ZMYND10: variants seen among roughly 807,000 people sequenced by gnomAD.
ZMYND10 encodes zinc finger MYND domain-containing protein 10.
Under a neutral mutation model 62.6 loss-of-function variants are expected in ZMYND10, and 52 were observed. The observed-to-expected ratio is 0.83, with a 90% CI of 0.67 to 1.05. The LOEUF (loss-of-function observed/expected upper bound fraction) is 1.05. Ranked by LOEUF, ZMYND10 falls within the 50% of genes least tolerant of loss-of-function variation. ZMYND10 has a pLI of 0.00. For missense variants in ZMYND10, 438 were observed against 543.3 expected (o/e 0.81, Z 1.93); for synonymous variants, 197 against 218.5 (o/e 0.90, Z 0.87).
chr3:50,342,849 G>A (rs1559850713), intron 7 of ZMYND10, 69 bp downstream of exon 7: 3 of 1,559,204 alleles, frequency 1.9e-6, no homozygotes, highest in Non-Finnish European at 2.6e-6. Context: ...TGTGCAAGCT[G>A]CCCCCCTCTA....
At chr3:50,341,991 A>G in intron 9 of ZMYND10, 24 bp downstream of exon 9, 2 of 1,614,218 alleles carry the variant, frequency 1.2e-6, no homozygotes, top group Non-Finnish European at 1.7e-6. Context: ...AGTGGTCCTG[A>G]GCAGCTAACT....
rs746014252 is a variant in ZMYND10 at position 50,342,437 on chromosome 3, C to G, written c.833G>C (p.Arg278Pro). ...CTTGGCAAAACTTGTGAGGCAGTAG[C>G]GCGCCTGAGCCTCAGGGCTTAGCAG... ...NLLLSPEAQA[R>P]YCLTSFAKGR... Residue 278 changes from arginine (R) to proline (P), a missense_variant, in exon 8 of 12, where the codon CGC becomes CCC. Transcript: ENST00000231749. 21 of 1,605,310 alleles carry G rather than the reference C, an allele frequency of 1.3e-5. No homozygotes were observed. In the East Asian group the frequency reaches 4.3e-4, roughly 33 times the overall value.
At chr3:50,342,732 G>A in intron 7 of ZMYND10, 163 bp from the exon 8 acceptor site, 13 of 1,468,598 alleles carry the variant, frequency 8.9e-6, no homozygotes, top group Non-Finnish European at 1.2e-5. Flanking sequence ...GTGAGCCTCA[G>A]TAGTGGACAC....
chr3:50,342,332 G>A (rs922773961), intron 8 of ZMYND10, 65 bp downstream of exon 8: 45 of 1,553,968 alleles, frequency 2.9e-5, no homozygotes, highest in Non-Finnish European at 3.6e-5. Flanking sequence ...CAGCAGGGAC[G>A]CAGTCGGGGT....
At chr3:50,344,044 T>C (rs1575555848) in intron 2 of ZMYND10, 194 bp from the exon 3 acceptor site, 1 of 591,956 alleles carries the variant, frequency 1.7e-6, no homozygotes, top group East Asian at 2.8e-5. Flanking sequence ...CCAACACCTC[T>C]GTGGATGTCC....
At position 50,341,686 on chromosome 3, in the gene ZMYND10, A is replaced by G; in HGVS notation, c.1135T>C (p.Tyr379His). Residue 379 changes from tyrosine (Y) to histidine (H), a missense_variant, in exon 11 of 12, where the codon TAC becomes CAC. Coordinates refer to ENST00000231749, the MANE Select transcript of ZMYND10 (RefSeq NM_015896.4). ...ACTGCCTCTAGCACATCCAGCCTGT[A>G]GGTCTCAGCCCACCTGGGGGAAAGT... ...RLQARRWAET[Y>H]RLDVLEAVAP... is the part of the protein sequence containing the mutation. 1 of 1,614,196 alleles carries G rather than the reference A, an allele frequency of 6.2e-7. No individual in the cohort carries two copies. The highest frequency in any genetic ancestry group is 8.5e-7 in the Non-Finnish European group (1 of 1,180,016).
Position 50,342,978 on chromosome 3 carries a change from T to G in ZMYND10, c.640A>C (p.Asn214His). The G allele has an allele frequency of 6.2e-7, 1 of 1,614,022 alleles. No individual in the cohort carries two copies. Among genetic ancestry groups the G allele is most frequent in the Non-Finnish European group, 8.5e-7 (1 of 1,179,970 alleles). The change falls in exon 7 of 12, where the codon AAC becomes CAC. Residue 214 changes from asparagine to histidine, a missense_variant. Physicochemically the swap from Asn to His is moderately conservative, Grantham distance 68. Coordinates refer to ENST00000231749, the MANE Select transcript of ZMYND10 (RefSeq NM_015896.4). ...STLSRMLSTH[N>H]LPCLLVELLE... ...AGTTCCACCAGGAGGCAGGGCAGGT[T>G]GTGTGTGCTAAGCATACGGCTCAAG...
chr3:50,344,961 G>T, intron 2 of ZMYND10, 163 bp downstream of exon 2: 1 of 639,288 alleles, frequency 1.6e-6, no homozygotes, highest in Non-Finnish European at 2.7e-6. Context: ...CCAGAGTCCT[G>T]TCCAATAGGG....
chr3:50,341,722 T>C (rs777896211), intron 10 of ZMYND10, 23 bp from the exon 11 acceptor site: 16 of 1,613,496 alleles, frequency 9.9e-6, no homozygotes, highest in Middle Eastern at 3.3e-4. Flanking sequence ...CAGGAAGGTC[T>C]GACTGGCCCT....
Position 50,343,353 on chromosome 3 carries a change from C to A in ZMYND10, c.464G>T (p.Gly155Val). The change falls in exon 5 of 12, where the codon GGT becomes GTT. Residue 155 changes from glycine (G) to valine (V), a missense_variant. Coordinates refer to ENST00000231749, the MANE Select transcript of ZMYND10 (RefSeq NM_015896.4). ...GGATCCCTCCCCCTCAGGGGGGCCA[C>A]CACAGCCACTCTGGGCCACCAGCAG... ...LTLLVAQSGC[G>V]GPPEGEGSQD... is the part of the protein sequence containing the mutation. 1 of 1,613,368 alleles carries A rather than the reference C, an allele frequency of 6.2e-7. No homozygotes were observed. Among genetic ancestry groups the A allele is most frequent in the South Asian group, 1.1e-5 (1 of 90,972 alleles).
chr3:50,345,370 G>GCTCT lies in ZMYND10; in HGVS notation c.92+114_92+117dup, dbSNP rs1163151874. 4 of 1,499,530 alleles carry GCTCT rather than the reference G, an allele frequency of 2.7e-6. No individual in the cohort carries two copies. The African/African-American group carries it at 5.5e-5, about 21-fold the overall frequency. The allele number at this position is 1,499,530 out of a possible 1,614,324, so 92.9% of individuals were successfully genotyped here. ...AGCAGTAATACTCCTGTCTCGGAACGCTCTGCTCCCCCATTTGGGAGCCCC... is the reference window on the plus strand; with the variant it reads ...AGCAGTAATACTCCTGTCTCGGAACGCTCTCTCTGCTCCCCCATTTGGGAGCCCC... On this transcript the variant is annotated intron_variant, in intron 1 of 11. Coordinates refer to ENST00000231749, the MANE Select transcript of ZMYND10 (RefSeq NM_015896.4). This position sits in a 1 kb window ranked among gnomAD's most constrained non-coding sequence, Gnocchi z 5.0.
chr3:50,341,371 C>A lies in ZMYND10; in HGVS notation c.*39G>T. The A allele has an allele frequency of 6.2e-7, 1 of 1,611,972 alleles. No homozygotes were observed. Among genetic ancestry groups the A allele is most frequent in the Admixed American group, 1.7e-5 (1 of 60,010 alleles). On this transcript the variant is annotated 3_prime_UTR_variant, in exon 12 of 12. Coordinates refer to ENST00000231749, the MANE Select transcript of ZMYND10 (RefSeq NM_015896.4). ...TTCAGGGGTGCATTCTGGGTGGATTCCCTTGGCATGGGTGGTCGGCCCTCA... is the reference window on the plus strand; with the variant it reads ...TTCAGGGGTGCATTCTGGGTGGATTACCTTGGCATGGGTGGTCGGCCCTCA...
At chr3:50,344,565 C>A (rs1363785941) in intron 2 of ZMYND10, among the ~76,000 whole-genome samples, 2 of 151,160 alleles carry the variant, frequency 1.3e-5, no homozygotes, top group Non-Finnish European at 2.9e-5. Context: ...ATGATCCACC[C>A]GTCTTGGCCT....
chr3:50,345,071 G>A lies in ZMYND10; in HGVS notation c.201+53C>T. On this transcript the variant is annotated intron_variant, in intron 2 of 11. Coordinates refer to ENST00000231749, the MANE Select transcript of ZMYND10 (RefSeq NM_015896.4). This position sits in a 1 kb window ranked among gnomAD's most constrained non-coding sequence, Gnocchi z 5.0. Reference sequence around the variant, plus strand: ...GCACACAGGGGACTCCGGAGGGGTAGAGTAGGTGAGGTATGGGGGAAGGCA... The same window carrying A: ...GCACACAGGGGACTCCGGAGGGGTAAAGTAGGTGAGGTATGGGGGAAGGCA... The A allele has an allele frequency of 6.5e-7, 1 of 1,527,208 alleles. No individual in the cohort carries two copies. The highest frequency in any genetic ancestry group is 1.1e-5 in the South Asian group (1 of 87,308). The allele number at this position is 1,527,208 out of a possible 1,614,324, so 94.6% of individuals were successfully genotyped here.
In ZMYND10 at chr3:50,341,672, C is replaced by T; in HGVS notation, c.1149G>A (p.Val383=). The change falls in exon 11 of 12, where the codon GTG becomes GTA. Residue 383 remains valine, a synonymous_variant. Coordinates refer to ENST00000231749, the MANE Select transcript of ZMYND10 (RefSeq NM_015896.4). ...GCCGCTCTGGAGCCACTGCCTCTAGCACATCCAGCCTGTAGGTCTCAGCCC... is the reference window on the plus strand; with the variant it reads ...GCCGCTCTGGAGCCACTGCCTCTAGTACATCCAGCCTGTAGGTCTCAGCCC... The part of the protein sequence containing the change: ...RRWAETYRLD[V]LEAVAPERPR... 6.2e-7 allele frequency: 1 copy of T among 1,614,254 alleles called. No individual in the cohort carries two copies. The highest frequency in any genetic ancestry group is 2.2e-5 in the East Asian group (1 of 44,892).
rs587648287 is a variant in ZMYND10 at position 50,341,334 on chromosome 3, G to A, written c.*76C>T. ...CTGGGGCTCCGGCAGAGGCTGGACC[G>A]TGATCTTGAGGTTCAGGGGTGCATT... On this transcript the variant is annotated 3_prime_UTR_variant, in exon 12 of 12. Transcript: ENST00000231749. 1.7e-5 allele frequency: 26 copies of A among 1,564,706 alleles called. No homozygotes were observed. The East Asian group carries it at 5.4e-4, about 32-fold the overall frequency.
At chr3:50,341,519 A>G (rs1559849107) in intron 11 of ZMYND10, 34 bp from the exon 12 acceptor site, 7 of 1,614,232 alleles carry the variant, frequency 4.3e-6, no homozygotes, top group Non-Finnish European at 5.9e-6. Context: ...ATGGCAATGC[A>G]TGTGGGGGAT....
At chr3:50,341,513 C>CA (rs770074377) in intron 11 of ZMYND10, 28 bp from the exon 12 acceptor site, 1 of 1,614,230 alleles carries the variant, frequency 6.2e-7, no homozygotes, top group South Asian at 1.1e-5. Flanking sequence ...TTGAGGATGG[C>CA]AATGCATGTG....
At position 50,342,480 on chromosome 3, in the gene ZMYND10, T is replaced by A. The variant is rs1010606559; in HGVS notation, c.790A>T (p.Ile264Phe). 3.7e-6 allele frequency: 6 copies of A among 1,613,948 alleles called. No individual in the cohort carries two copies. The South Asian group carries it at 6.6e-5, about 18-fold the overall frequency. Residue 264 changes from isoleucine to phenylalanine, a missense_variant, in exon 8 of 12, where the codon ATC becomes TTC. Transcript: ENST00000231749. ...KLSKLDGQVW[I>F]ALYNLLLSPE... ...CTTAGCAGCAGGTTGTACAGGGCGATCCACACTTGCCCGTCCAACTTGCTC... is the reference window on the plus strand; with the variant it reads ...CTTAGCAGCAGGTTGTACAGGGCGAACCACACTTGCCCGTCCAACTTGCTC...
Sources: gnomAD v4.1 joint callset for allele counts (sites outside exome capture counted in the v4.1 genomes callset) on GRCh38, gnomAD v4.1.1 for gene constraint, Gnocchi (gnomAD v3.1) non-coding constraint, MANE v1.5 for transcripts, NCBI Gene and HGNC (gene_info 2026-07-23, HGNC 2026-07-21) for gene names.